LAMB3: variants seen among roughly 807,000 people sequenced by gnomAD.
The protein encoded by LAMB3 is laminin subunit beta 3, also known as laminin subunit beta-3.
Under a neutral mutation model 140.3 loss-of-function variants are expected in LAMB3, and 104 were observed. The ratio of observed to expected loss-of-function variants is 0.74; its 90% CI spans 0.63 to 0.87. The LOEUF (loss-of-function observed/expected upper bound fraction) is 0.87, where lower values mean the gene tolerates loss of function less well. Among genes scored for constraint, LAMB3 ranks in the 40% least tolerant of loss-of-function variants. LAMB3 has a pLI of 0.00. For missense variants in LAMB3, 1,531 were observed against 1,575.2 expected, an observed-to-expected ratio of 0.97 and a Z score of 0.47; for synonymous variants, 592 against 602.9, an observed-to-expected ratio of 0.98 and a Z score of 0.26.
intron 9 of LAMB3, 63 bp from the exon 10 acceptor site, chr1:209,629,988 T>C (rs905212591): frequency 6.6e-7 from 1 of 1,516,422 alleles, no homozygotes; most frequent in Admixed American, 1.7e-5. Context: ...CAGAGCATGC[T>C]CCACAAAAGC....
intron 3 of LAMB3, among the ~76,000 whole-genome samples, chr1:209,647,390 T>C (rs1356002369): frequency 6.6e-6 from 1 of 152,218 alleles, no homozygotes; most frequent in East Asian, 1.9e-4. Context: ...CCTCTGTTAG[T>C]CGGCTGGAAC....
chr1:209,645,160 G>A (rs2076504871), intron 3 of LAMB3, among the ~76,000 whole-genome samples: 2 of 151,974 alleles, frequency 1.3e-5, no homozygotes, highest in African/African-American at 4.8e-5. Context: ...TCCCTACAAT[G>A]TCCCTTTCCA....
At position 209,625,887 on chromosome 1, in the gene LAMB3, C is replaced by T; in HGVS notation, c.1737G>A (p.Val579=). The T allele has an allele frequency of 6.2e-7, 1 of 1,613,940 alleles. No homozygotes were observed. The highest frequency in any genetic ancestry group is 8.5e-7 in the Non-Finnish European group (1 of 1,179,950). Residue 579 remains valine (V), a synonymous_variant, in exon 14 of 23, where the codon GTG becomes GTA. Transcript: ENST00000356082. ...AGGTCTGGAAGCAAGGGTGGCAGGC[C>T]ACGCACACCGGGTAGCGATTACAGT... is the stretch of plus-strand genomic sequence containing the variant. ...RGYCNRYPVC[V]ACHPCFQTYD...
chr1:209,647,181 C>T (rs1245076763), intron 3 of LAMB3, among the ~76,000 whole-genome samples: 1 of 152,196 alleles, frequency 6.6e-6, no homozygotes, highest in Non-Finnish European at 1.5e-5. Flanking sequence ...CAACATGGAC[C>T]CGGAATTTAC....
Position 209,623,577 on chromosome 1 carries a change from G to A in LAMB3, c.2286C>T (p.Thr762=), listed in dbSNP as rs11555726. 5.0e-4 allele frequency: 815 copies of A among 1,614,164 alleles called. 5 individuals carry two copies. In the African/African-American group the frequency reaches 9.6e-3, roughly 19 times the overall value. Residue 762 remains threonine (T), a synonymous_variant, in exon 16 of 23, where the codon ACC becomes ACT. Transcript: ENST00000356082. The surrounding 1 kb of genome is among the most constrained non-coding windows in gnomAD (Gnocchi z 4.2). Reference sequence around the variant, plus strand: ...TCAGGGCCACAAGCTTGGGGCTGCCGGTGCCTCCTCCTCCTCCCGCCTGCC... The same window carrying A: ...TCAGGGCCACAAGCTTGGGGCTGCCAGTGCCTCCTCCTCCTCCCGCCTGCC... The part of the protein sequence containing the change: ...LVRQAGGGGG[T]GSPKLVALRL...
chr1:209,632,015 C>A (rs189950106), intron 8 of LAMB3, among the ~76,000 whole-genome samples: 3 of 152,346 alleles, frequency 2.0e-5, no homozygotes, highest in African/African-American at 7.2e-5. Flanking sequence ...CACAGCAAAA[C>A]CCCTTGGGAG....
Position 209,624,017 on chromosome 1 carries a change from G to A in LAMB3, c.1977-17C>T. 2 of 1,609,098 alleles carry A rather than the reference G, an allele frequency of 1.2e-6. No homozygotes were observed. The highest frequency in any genetic ancestry group is 8.5e-7 in the Non-Finnish European group (1 of 1,179,370). ...AGAGTTCGCCTGAGAAGGGAGAGGA[G>A]CTTACACTAAAATATAGGAGGGAGT... On this transcript the variant is annotated splice_polypyrimidine_tract_variant and intron_variant, in intron 14 of 22. Transcript: ENST00000356082.
At chr1:209,641,309 A>C (rs532148215) in intron 3 of LAMB3, among the ~76,000 whole-genome samples, 5 of 152,156 alleles carry the variant, frequency 3.3e-5, no homozygotes, top group Non-Finnish European at 7.3e-5. Context: ...GGTGGAGTAC[A>C]ACCATGTGCA....
At chr1:209,636,149 A>G (rs1247017184) in intron 5 of LAMB3, among the ~76,000 whole-genome samples, 1 of 148,540 alleles carries the variant, frequency 6.7e-6, no homozygotes, top group Non-Finnish European at 1.5e-5. Context: ...CACGATTTCC[A>G]ATTATTTACT....
chr1:209,644,934 G>C (rs2102457504), intron 3 of LAMB3, among the ~76,000 whole-genome samples: 1 of 152,324 alleles, frequency 6.6e-6, no homozygotes, highest in African/African-American at 2.4e-5. Context: ...ACAGTTCCCA[G>C]AGGCTTCTGT....
intron 18 of LAMB3, among the ~76,000 whole-genome samples, chr1:209,620,071 C>G (rs1189967719): frequency 3.9e-5 from 6 of 152,228 alleles, no homozygotes; most frequent in African/African-American, 7.2e-5. Flanking sequence ...CACATCCCCA[C>G]CTAGATCTTG....
rs200501999 is a variant in LAMB3, at chr1:209,634,454, C to T, written c.557G>A (p.Gly186Glu). 4.2e-5 allele frequency: 67 copies of T among 1,613,962 alleles called. No homozygotes were observed. The highest frequency in any genetic ancestry group is 5.6e-5 in the Non-Finnish European group (66 of 1,179,988). The change falls in exon 6 of 23, where the codon GGG (glycine) becomes GAG (glutamate). Residue 186 changes from glycine to glutamate, a missense_variant. Gly to Glu is a moderately conservative substitution (Grantham distance 98). Transcript: ENST00000356082. Reference sequence around the variant, plus strand: ...AGGATTCCCTCTACCTACCTTCCCCCCATTTAGGCGTGCATTAGGCCTCTG... The same window carrying T: ...AGGATTCCCTCTACCTACCTTCCCCTCATTTAGGCGTGCATTAGGCCTCTG... The part of the protein sequence containing the change: ...LPQRPNARLN[G>E]GKVQLNLMDL...
Position 209,623,790 on chromosome 1 carries a change from C to T in LAMB3, c.2137+50G>A. Reference sequence around the variant, plus strand: ...CAGGAGGGAGAGGGGGTGGCATGCCCACCACGGCAGTGCCCATGCCCGGGG... The same window carrying T: ...CAGGAGGGAGAGGGGGTGGCATGCCTACCACGGCAGTGCCCATGCCCGGGG... On this transcript the variant is annotated intron_variant, in intron 15 of 22. Coordinates refer to ENST00000356082, the MANE Select transcript of LAMB3 (RefSeq NM_000228.3). The surrounding 1 kb of genome is among the most constrained non-coding windows in gnomAD (Gnocchi z 4.2). 1 of 1,613,762 alleles carries T rather than the reference C, an allele frequency of 6.2e-7. No individual in the cohort carries two copies. The highest frequency in any genetic ancestry group is 1.1e-5 in the South Asian group (1 of 91,068).
At chr1:209,646,417 G>T (rs867384139) in intron 3 of LAMB3, among the ~76,000 whole-genome samples, 6 of 152,168 alleles carry the variant, frequency 3.9e-5, no homozygotes, top group Non-Finnish European at 8.8e-5. Flanking sequence ...ATGGAAAAAT[G>T]GTGGTTTGGT....
At chr1:209,646,036 T>C (rs2076515070) in intron 3 of LAMB3, among the ~76,000 whole-genome samples, 3 of 152,226 alleles carry the variant, frequency 2.0e-5, no homozygotes, top group Admixed American at 2.0e-4. Flanking sequence ...TTGGCTTAGA[T>C]AATTAACCTG....
chr1:209,617,594 G>A lies in LAMB3; in HGVS notation c.3052-8C>T, dbSNP rs1394585501. 6.2e-7 allele frequency: 1 copy of A among 1,613,526 alleles called. No individual in the cohort carries two copies. The highest frequency in any genetic ancestry group is 1.1e-5 in the South Asian group (1 of 91,084). On this transcript the variant is annotated splice_polypyrimidine_tract_variant and splice_region_variant and intron_variant, in intron 20 of 22. Transcript: ENST00000356082. ...CCGCAGTACCTGCTGAACCTTTGTG[G>A]AAAGAGGGAGATCTGGCCTTTGTGG...
At chr1:209,636,681 G>A (rs944791414) in intron 5 of LAMB3, among the ~76,000 whole-genome samples, 10 of 151,918 alleles carry the variant, frequency 6.6e-5, no homozygotes, top group African/African-American at 1.2e-4. Context: ...TCTTCTTGCC[G>A]CCTGCCTCCC....
chr1:209,634,917 T>TTCTCTCTCTCTCTCTCTC (rs59855467), intron 5 of LAMB3, among the ~76,000 whole-genome samples: 9 of 136,142 alleles, frequency 6.6e-5, no homozygotes, highest in African/African-American at 2.6e-4. Context: ...CCATTTTTTA[T>TTCTCTCTCTCTCTCTCTC]TCTCTCTCTC....
chr1:209,617,146 G>A (rs959055086), intron 21 of LAMB3, among the ~76,000 whole-genome samples: 8 of 152,154 alleles, frequency 5.3e-5, no homozygotes, highest in Non-Finnish European at 8.8e-5. Context: ...TGATTCTTAG[G>A]CCTGTGAACG....
Sources: allele counts gnomAD v4.1 joint callset (sites outside exome capture counted in the v4.1 genomes callset), GRCh38; gene constraint gnomAD v4.1.1; non-coding constraint Gnocchi (gnomAD v3.1); transcripts MANE v1.5; gene names NCBI Gene and HGNC (gene_info 2026-07-23, HGNC 2026-07-21).